C12orf50: variants seen among roughly 807,000 people sequenced by gnomAD.
The protein encoded by C12orf50 is uncharacterized protein C12orf50.
In C12orf50, 35 loss-of-function variants were observed where a neutral mutation model predicts 61.6. The ratio of observed to expected loss-of-function variants is 0.57; its 90% CI spans 0.43 to 0.75. The LOEUF (loss-of-function observed/expected upper bound fraction) is 0.75. Ranked by LOEUF, C12orf50 falls within the 30% of genes least tolerant of loss-of-function variation. The pLI is 0.00. For synonymous variants in C12orf50, 178 were observed against 161.5 expected, an observed-to-expected ratio of 1.10 and a Z score of -0.77; for missense variants, 475 against 488.5, an observed-to-expected ratio of 0.97 and a Z score of 0.26.
At chr12:88,013,069 A>C (rs1054680541) in intron 3 of C12orf50, among the ~76,000 whole-genome samples, 29 of 152,142 alleles carry the variant, frequency 1.9e-4, no homozygotes, top group African/African-American at 6.8e-4. Context: ...GTCTCCAAAA[A>C]ATACACATGT....
rs1297627282 is a variant in C12orf50, at chr12:87,998,024, G to T, written c.289+11C>A. 6.2e-7 allele frequency: 1 copy of T among 1,600,776 alleles called. No homozygotes were observed. Among genetic ancestry groups the T allele is most frequent in the Non-Finnish European group, 8.5e-7 (1 of 1,172,998 alleles). On this transcript the variant is annotated intron_variant, in intron 4 of 12. Coordinates refer to ENST00000298699, the MANE Select transcript of C12orf50 (RefSeq NM_152589.3). ...AATGTGTATTGTAAACCTGAAAAAA[G>T]TTCTACTAACCATTTTGTTCATCTA...
At chr12:87,988,904 A>G (rs1343423664) in intron 8 of C12orf50, among the ~76,000 whole-genome samples, 1 of 152,136 alleles carries the variant, frequency 6.6e-6, no homozygotes, top group African/African-American at 2.4e-5. Flanking sequence ...ATAAAATACA[A>G]AAGTCTTTTT....
At chr12:87,980,624 C>A (rs28707358) in intron 12 of C12orf50, among the ~76,000 whole-genome samples, 4,361 of 152,100 alleles carry the variant, frequency 0.029, 219 homozygotes, top group African/African-American at 0.098. Context: ...ATGAACAGAA[C>A]GAAGGCTCCA....
At chr12:88,014,289 T>A (rs187913090) in intron 3 of C12orf50, among the ~76,000 whole-genome samples, 44 of 135,014 alleles carry the variant, frequency 3.3e-4, no homozygotes, top group Non-Finnish European at 5.0e-4. Flanking sequence ...ATACTTTTTT[T>A]AATTTTTATT....
At chr12:88,020,431 T>C (rs1348607129) in intron 3 of C12orf50, among the ~76,000 whole-genome samples, 1 of 151,840 alleles carries the variant, frequency 6.6e-6, no homozygotes, top group Non-Finnish European at 1.5e-5. Context: ...CCAACAAGAT[T>C]AAAAAACATA....
At chr12:88,016,914 A>G (rs751032879) in intron 3 of C12orf50, among the ~76,000 whole-genome samples, 37 of 152,342 alleles carry the variant, frequency 2.4e-4, no homozygotes, top group Non-Finnish European at 3.1e-4. Flanking sequence ...ATGCTTGGGA[A>G]GGCTGACTAC....
chr12:88,021,864 A>G (rs2032528873), intron 3 of C12orf50, among the ~76,000 whole-genome samples: 1 of 151,562 alleles, frequency 6.6e-6, no homozygotes, highest in African/African-American at 2.4e-5. Context: ...CCTACCAACC[A>G]AAAAAAACCC....
intron 3 of C12orf50, among the ~76,000 whole-genome samples, chr12:88,023,628 G>A (rs1336128710): frequency 8.8e-5 from 13 of 148,354 alleles, no homozygotes; most frequent in Admixed American, 2.7e-4. Flanking sequence ...AGATCACACC[G>A]TTGCACTCCA....
At chr12:88,007,757 C>A (rs1011109888) in intron 3 of C12orf50, among the ~76,000 whole-genome samples, 3 of 151,934 alleles carry the variant, frequency 2.0e-5, no homozygotes, top group Non-Finnish European at 4.4e-5. Context: ...ATTAATTCAC[C>A]TAATGAAGAG....
chr12:87,996,200 CAT>C (rs1263632503), intron 6 of C12orf50, among the ~76,000 whole-genome samples, 172 bp downstream of exon 6: 2 of 152,186 alleles, frequency 1.3e-5, no homozygotes, highest in Non-Finnish European at 2.9e-5. Flanking sequence ...TCTAGGATAA[CAT>C]AATCCCATTA....
chr12:88,010,420 A>ATTCC, intron 3 of C12orf50, among the ~76,000 whole-genome samples: 1 of 123,810 alleles, frequency 8.1e-6, no homozygotes, highest in African/African-American at 4.8e-5. Flanking sequence ...TTATAAGATT[A>ATTCC]AAATTATTAT....
At chr12:87,992,672 C>G (rs77928452) in intron 7 of C12orf50, among the ~76,000 whole-genome samples, 1 of 151,980 alleles carries the variant, frequency 6.6e-6, no homozygotes, top group African/African-American at 2.4e-5. Flanking sequence ...ATAGTAATAG[C>G]GACCAGAGTA....
At chr12:87,981,784 A>T (rs963155396) in intron 12 of C12orf50, among the ~76,000 whole-genome samples, 1 of 152,022 alleles carries the variant, frequency 6.6e-6, no homozygotes, top group African/African-American at 2.4e-5. Context: ...CAACCTTAGC[A>T]CTTGAAAAAT....
intron 3 of C12orf50, 68 bp from the exon 4 acceptor site, chr12:87,998,258 A>G (rs1014065486): frequency 5.2e-5 from 64 of 1,221,138 alleles, no homozygotes; most frequent in Non-Finnish European, 7.1e-5. Context: ...GTAACAATCA[A>G]TCATTGCCCT....
intron 3 of C12orf50, among the ~76,000 whole-genome samples, chr12:88,006,212 G>A (rs1049646027): frequency 2.6e-5 from 4 of 152,016 alleles, no homozygotes; most frequent in Admixed American, 6.6e-5. Flanking sequence ...CACCGCGCCT[G>A]GCCCAAAAGA....
In C12orf50 at chr12:87,998,204, G is replaced by A. The variant is rs1463782546; in HGVS notation, c.134-14C>T. 3 of 1,605,600 alleles carry A rather than the reference G, an allele frequency of 1.9e-6. No homozygotes were observed. The African/African-American group carries it at 4.0e-5, about 21-fold the overall frequency. Reference sequence around the variant, plus strand: ...GTAGTGTGATATCTGCAGAGAAAATGCAACATTTCAGTCTGTTCAAGATAT... The same window carrying A: ...GTAGTGTGATATCTGCAGAGAAAATACAACATTTCAGTCTGTTCAAGATAT... On this transcript the variant is annotated splice_polypyrimidine_tract_variant and intron_variant, in intron 3 of 12. Transcript: ENST00000298699.
chr12:88,000,525 G>C (rs1469015203), intron 3 of C12orf50, among the ~76,000 whole-genome samples: 1 of 151,056 alleles, frequency 6.6e-6, no homozygotes, highest in Non-Finnish European at 1.5e-5. Context: ...CACTATTCTG[G>C]GTCCCTTAAA....
chr12:87,990,235 C>T (rs1202576451), intron 7 of C12orf50, among the ~76,000 whole-genome samples: 5 of 152,154 alleles, frequency 3.3e-5, no homozygotes, highest in African/African-American at 4.8e-5. Flanking sequence ...ATTGTTCCAA[C>T]AGATTAACCT....
chr12:87,985,820 A>T, intron 11 of C12orf50, 30 bp downstream of exon 11: 1 of 1,607,092 alleles, frequency 6.2e-7, no homozygotes, highest in Non-Finnish European at 8.5e-7. Flanking sequence ...ACCACAGACA[A>T]GAGTAAACCA....
Sources: gnomAD v4.1 joint callset for allele counts (sites outside exome capture counted in the v4.1 genomes callset) on GRCh38, gnomAD v4.1.1 for gene constraint, MANE v1.5 for transcripts, NCBI Gene and HGNC (gene_info 2026-07-23, HGNC 2026-07-21) for gene names.